The following CCSER1 variants were observed in gnomAD, a reference collection of about 807,000 sequenced individuals.
CCSER1 encodes coiled-coil serine rich protein 1, also known as serine-rich coiled-coil domain-containing protein 1.
CCSER1 carries 41 observed loss-of-function variants against 82.0 expected under a neutral mutation model. The ratio of observed to expected loss-of-function variants is 0.50; its 90% CI spans 0.39 to 0.65. CCSER1 has a LOEUF of 0.65. Among genes scored for constraint, CCSER1 ranks in the 30% least tolerant of loss-of-function variants. The pLI, the probability that CCSER1 is intolerant of heterozygous loss-of-function variation, is 0.00. For missense variants in CCSER1, 1,119 were observed against 1,064.2 expected, an observed-to-expected ratio of 1.05 and a Z score of -0.72; for synonymous variants, 414 against 383.9, an observed-to-expected ratio of 1.08 and a Z score of -0.92.
chr4:90,168,319 GTTGT>G lies in CCSER1; in HGVS notation c.-42+40495_-42+40498del, dbSNP rs1220279778. Among the ~76,000 whole-genome samples the G allele has an allele frequency of 1.7e-3, 261 of 152,080 alleles. 3 individuals carry two copies. Among genetic ancestry groups the G allele is most frequent in the African/African-American group, 5.6e-3 (234 of 41,500 alleles). ...TATCCTTTGCCCACTTTTTGATGGG[GTTGT>G]TTGTTTTTTTCTTGTAAATTTGTTT... On this transcript the variant is annotated intron_variant, in intron 1 of 10. Coordinates refer to ENST00000509176, the MANE Select transcript of CCSER1 (RefSeq NM_001145065.2).
intron 5 of CCSER1, among the ~76,000 whole-genome samples, chr4:90,525,610 C>T (rs1773657101): frequency 6.6e-6 from 1 of 151,964 alleles, no homozygotes; most frequent in African/African-American, 2.4e-5. Context: ...ATCTTCATTT[C>T]TAAATTTGCC....
intron 1 of CCSER1, among the ~76,000 whole-genome samples, chr4:90,132,247 G>T (rs1722939802): frequency 6.6e-6 from 1 of 152,178 alleles, no homozygotes; most frequent in South Asian, 2.1e-4. Context: ...TGGACTATAT[G>T]TCACAGGTGT....
chr4:91,107,158 C>T (rs925779372), intron 10 of CCSER1, among the ~76,000 whole-genome samples: 6 of 152,208 alleles, frequency 3.9e-5, no homozygotes, highest in Admixed American at 1.3e-4. Context: ...GAACAATAGG[C>T]TATACCGCAT....
chr4:90,692,438 A>G (rs1454788325), intron 6 of CCSER1, among the ~76,000 whole-genome samples: 2 of 151,928 alleles, frequency 1.3e-5, no homozygotes, highest in Non-Finnish European at 2.9e-5. Flanking sequence ...TAGAAAAATT[A>G]TACATGGGCA....
chr4:91,594,482 T>C (rs1162069966), intron 10 of CCSER1, among the ~76,000 whole-genome samples: 2 of 149,046 alleles, frequency 1.3e-5, no homozygotes, highest in Admixed American at 6.7e-5. Flanking sequence ...TATATATACA[T>C]ATATATATAC....
chr4:90,559,101 T>TTTCC (rs2153646069), intron 5 of CCSER1, among the ~76,000 whole-genome samples: 1 of 152,314 alleles, frequency 6.6e-6, no homozygotes, highest in Non-Finnish European at 1.5e-5. Flanking sequence ...CACACTGCTT[T>TTTCC]GTGAGCTACA....
intron 9 of CCSER1, among the ~76,000 whole-genome samples, chr4:90,974,497 C>T (rs1735426251): frequency 6.7e-6 from 1 of 149,432 alleles, no homozygotes; most frequent in Admixed American, 6.7e-5. Context: ...ATACAGCCTC[C>T]AGAATGGAAG....
At position 90,760,990 on chromosome 4, in the gene CCSER1, A is replaced by T. The variant is rs188181487; in HGVS notation, c.2010+36999A>T. On this transcript the variant is annotated intron_variant, in intron 7 of 10. Transcript: ENST00000509176. Reference sequence around the variant, plus strand: ...AGCCCTCCTGAGAAAAGTGGTATTTAAGCTGAGACTTGAAGGAAAAATAAA... The same window carrying T: ...AGCCCTCCTGAGAAAAGTGGTATTTTAGCTGAGACTTGAAGGAAAAATAAA... Among the ~76,000 whole-genome samples the T allele has an allele frequency of 3.1e-3, 475 of 152,214 alleles. 1 individual carries two copies. The highest frequency in any genetic ancestry group is 0.011 in the African/African-American group (440 of 41,562).
chr4:91,391,926 T>C (rs1451348191), intron 10 of CCSER1, among the ~76,000 whole-genome samples: 1 of 152,106 alleles, frequency 6.6e-6, no homozygotes, highest in Admixed American at 6.6e-5. Flanking sequence ...TTATATACAT[T>C]TATGCACATA....
chr4:91,591,368 C>T (rs1764263202), intron 10 of CCSER1, among the ~76,000 whole-genome samples: 2 of 152,032 alleles, frequency 1.3e-5, no homozygotes, highest in Non-Finnish European at 2.9e-5. Flanking sequence ...GATATCACAG[C>T]ATTGCATGTT....
chr4:90,728,503 A>T (rs1744097810), intron 7 of CCSER1, among the ~76,000 whole-genome samples: 1 of 152,156 alleles, frequency 6.6e-6, no homozygotes, highest in South Asian at 2.1e-4. Context: ...TAAGCAGGGG[A>T]TAGAAGGGAG....
At chr4:91,220,802 A>G (rs1226415683) in intron 10 of CCSER1, among the ~76,000 whole-genome samples, 1 of 152,198 alleles carries the variant, frequency 6.6e-6, no homozygotes, top group Admixed American at 6.5e-5. Flanking sequence ...AAAGATAACT[A>G]TATGAGATGA....
chr4:91,236,637 T>G (rs1581820697), intron 10 of CCSER1, among the ~76,000 whole-genome samples: 1 of 152,246 alleles, frequency 6.6e-6, no homozygotes, highest in South Asian at 2.1e-4. Context: ...TCTATTTGTA[T>G]GATCAATGCA....
intron 10 of CCSER1, among the ~76,000 whole-genome samples, chr4:91,555,909 A>G (rs10025394): frequency 0.044 from 6,672 of 151,298 alleles, 396 homozygotes; most frequent in African/African-American, 0.12. Context: ...AAAGAAATAG[A>G]AAGCTGAGAT....
At chr4:90,879,207 T>TTTGCAG (rs1720828125) in intron 8 of CCSER1, among the ~76,000 whole-genome samples, 1 of 152,208 alleles carries the variant, frequency 6.6e-6, no homozygotes, top group Non-Finnish European at 1.5e-5. Flanking sequence ...ATTCTGCTGT[T>TTTGCAG]AATACTTGTG....
intron 9 of CCSER1, among the ~76,000 whole-genome samples, chr4:91,067,681 A>G (rs1290641179): frequency 6.6e-6 from 1 of 152,098 alleles, no homozygotes; most frequent in East Asian, 1.9e-4. Context: ...ACCCTTTGTG[A>G]TGGTGGAGCA....
intron 10 of CCSER1, among the ~76,000 whole-genome samples, chr4:91,195,696 T>C (rs1364474530): frequency 6.6e-6 from 1 of 152,222 alleles, no homozygotes; most frequent in Non-Finnish European, 1.5e-5. Flanking sequence ...ACAAAACTAC[T>C]TTTAATCTTC....
chr4:91,420,909 A>G (rs887437244), intron 10 of CCSER1, among the ~76,000 whole-genome samples: 5 of 152,184 alleles, frequency 3.3e-5, no homozygotes, highest in Admixed American at 6.5e-5. Context: ...TTGTGACAAC[A>G]TGGATAAACC....
chr4:90,513,668 A>G (rs183508696), intron 5 of CCSER1, among the ~76,000 whole-genome samples: 1 of 152,308 alleles, frequency 6.6e-6, no homozygotes, highest in East Asian at 1.9e-4. Flanking sequence ...TGAAGAGTGT[A>G]TGACTATGGG....
Sources: gnomAD v4.1 joint callset for allele counts (sites outside exome capture counted in the v4.1 genomes callset) on GRCh38, gnomAD v4.1.1 for gene constraint, MANE v1.5 for transcripts, NCBI Gene and HGNC (gene_info 2026-07-23, HGNC 2026-07-21) for gene names.